The following GRM7 variants were observed in gnomAD, a reference collection of about 807,000 sequenced individuals.
GRM7 encodes the protein metabotropic glutamate receptor 7.
Under a neutral mutation model 84.5 loss-of-function variants are expected in GRM7, and 35 were observed. The observed-to-expected ratio is 0.41, with a 90% CI of 0.32 to 0.55. GRM7 has a LOEUF of 0.55. Ranked by LOEUF, GRM7 falls within the 20% of genes least tolerant of loss-of-function variation. GRM7 has a pLI of 0.19. For synonymous variants in GRM7, 487 were observed against 455.1 expected (o/e 1.07, Z -0.89); for missense variants, 1,003 against 1,194.6 (o/e 0.84, Z 2.36).
At chr3:7,036,775 C>A (rs914359351) in intron 1 of GRM7, among the ~76,000 whole-genome samples, 1 of 124,802 alleles carries the variant, frequency 8.0e-6, no homozygotes, top group African/African-American at 3.1e-5. Context: ...TAAAAATTAG[C>A]AAGGTCTTTC....
chr3:7,008,030 C>T (rs553135986), intron 1 of GRM7, among the ~76,000 whole-genome samples: 2 of 152,152 alleles, frequency 1.3e-5, no homozygotes, highest in South Asian at 4.1e-4. Context: ...AGCAAATGTC[C>T]TAACATCTAA....
chr3:7,720,129 AG>A (rs1701894907), intron 9 of GRM7, among the ~76,000 whole-genome samples: 1 of 152,158 alleles, frequency 6.6e-6, no homozygotes, highest in Non-Finnish European at 1.5e-5. Context: ...GACAGTTTAA[AG>A]GCAAGAAACC....
intron 8 of GRM7, among the ~76,000 whole-genome samples, chr3:7,627,076 G>A (rs1485159325): frequency 1.3e-5 from 2 of 152,102 alleles, no homozygotes; most frequent in African/African-American, 4.8e-5. Flanking sequence ...TTGGGTCACA[G>A]CTTCCACATC....
chr3:7,518,242 G>A lies in GRM7; in HGVS notation c.1515+56520G>A, dbSNP rs147359305. Among the ~76,000 whole-genome samples the A allele has an allele frequency of 1.4e-4, 21 of 152,310 alleles. No homozygotes were observed. The East Asian group carries it at 3.9e-3, about 28-fold the overall frequency. ...GTCTTCAACTAGGAAGGCCTTGGCA[G>A]CATTTCCAAGGCGTCAGGGAATTGT... is the stretch of plus-strand genomic sequence containing the variant. On this transcript the variant is annotated intron_variant, in intron 7 of 9. Coordinates refer to ENST00000357716, the MANE Select transcript of GRM7 (RefSeq NM_000844.4).
intron 2 of GRM7, among the ~76,000 whole-genome samples, chr3:7,197,794 C>A (rs1388656904): frequency 6.6e-6 from 1 of 151,550 alleles, no homozygotes; most frequent in Non-Finnish European, 1.5e-5. Context: ...TAGTTACTGT[C>A]ATGCTTAACA....
chr3:7,617,012 T>C (rs934380039), intron 8 of GRM7, among the ~76,000 whole-genome samples: 3 of 152,108 alleles, frequency 2.0e-5, no homozygotes, highest in African/African-American at 7.2e-5. Context: ...GTTAGTGACT[T>C]ACTGTATTGC....
intron 8 of GRM7, among the ~76,000 whole-genome samples, chr3:7,659,396 T>C (rs552007188): frequency 3.3e-5 from 5 of 152,218 alleles, no homozygotes; most frequent in African/African-American, 1.2e-4. Flanking sequence ...ATTAATCTAG[T>C]AGGGGCCCAG....
intron 7 of GRM7, among the ~76,000 whole-genome samples, chr3:7,572,691 G>A (rs540586162): frequency 5.3e-5 from 8 of 150,152 alleles, no homozygotes; most frequent in Admixed American, 2.7e-4. Flanking sequence ...GCATGGGGGC[G>A]GGTGCCTGTA....
At chr3:7,691,321 C>A in intron 9 of GRM7, 2 of 1,198,486 alleles carry the variant, frequency 1.7e-6, no homozygotes, top group Non-Finnish European at 2.2e-6. Flanking sequence ...TCAGCAACTC[C>A]ATTTTCTGTA....
chr3:7,033,179 T>C lies in GRM7; in HGVS notation c.520-113273T>C, dbSNP rs540022380. 7.2e-5 allele frequency among the ~76,000 whole-genome samples: 11 copies of C among 152,246 alleles called. 1 individual carries two copies. Among genetic ancestry groups the C allele is most frequent in the Admixed American group, 6.5e-4 (10 of 15,286 alleles). ...TTCACGTCACTTTCACCCTTCAGTGTGTCTATATATCTGTGTCTTTTCTCT... is the reference window on the plus strand; with the variant it reads ...TTCACGTCACTTTCACCCTTCAGTGCGTCTATATATCTGTGTCTTTTCTCT... On this transcript the variant is annotated intron_variant, in intron 1 of 9. Transcript: ENST00000357716.
At chr3:7,455,731 G>GAAATACTGATTAATCTTATGCTAGAA (rs1697981586) in intron 6 of GRM7, among the ~76,000 whole-genome samples, 1 of 152,144 alleles carries the variant, frequency 6.6e-6, no homozygotes, top group African/African-American at 2.4e-5. Context: ...ATGTAATGGG[G>GAAATACTGATTAATCTTATGCTAGAA]AAATACTGAT....
intron 9 of GRM7, among the ~76,000 whole-genome samples, chr3:7,715,776 G>A (rs1701752400): frequency 6.6e-6 from 1 of 152,084 alleles, no homozygotes; most frequent in African/African-American, 2.4e-5. Flanking sequence ...CATGTATCTG[G>A]CATACACAGA....
intron 1 of GRM7, among the ~76,000 whole-genome samples, chr3:6,967,105 A>G (rs562295685): frequency 2.0e-5 from 3 of 152,212 alleles, no homozygotes; most frequent in Admixed American, 6.5e-5. Context: ...TTGACTTTCA[A>G]CCAGTGTTGG....
At chr3:6,978,661 G>T (rs1426470080) in intron 1 of GRM7, among the ~76,000 whole-genome samples, 2 of 152,066 alleles carry the variant, frequency 1.3e-5, no homozygotes, top group African/African-American at 2.4e-5. Context: ...GGGAGTGAGT[G>T]GGGGAGATGA....
intron 9 of GRM7, among the ~76,000 whole-genome samples, chr3:7,712,169 A>G: frequency 6.6e-6 from 1 of 152,180 alleles, no homozygotes; most frequent in East Asian, 1.9e-4. Context: ...ATCTTCTGCC[A>G]TTTGGGAGGC....
rs367997571 is a variant in GRM7 at position 7,401,962 on chromosome 3, G to A, written c.1034-13061G>A. Among the ~76,000 whole-genome samples the A allele has an allele frequency of 8.6e-4, 131 of 152,290 alleles. 4 individuals are homozygous for A. In the South Asian group the frequency reaches 0.026, roughly 30 times the overall value. On this transcript the variant is annotated intron_variant, in intron 4 of 9. Transcript: ENST00000357716. ...TAAATGGATGTCCTATAGAATCCAA[G>A]AGCAAGGAATATATCAAGGCCTTAG...
chr3:7,644,052 A>C (rs2125107007), intron 8 of GRM7, among the ~76,000 whole-genome samples: 1 of 148,202 alleles, frequency 6.7e-6, no homozygotes, highest in South Asian at 2.1e-4. Flanking sequence ...TAAAATATGT[A>C]TATATTTTTA....
At chr3:7,538,820 T>C (rs917750773) in intron 7 of GRM7, among the ~76,000 whole-genome samples, 14 of 151,808 alleles carry the variant, frequency 9.2e-5, no homozygotes, top group Non-Finnish European at 1.9e-4. Flanking sequence ...TTATTTCTGT[T>C]TTTGTTAAAA....
chr3:7,123,258 A>G (rs552955012), intron 1 of GRM7, among the ~76,000 whole-genome samples: 1 of 152,292 alleles, frequency 6.6e-6, no homozygotes, highest in African/African-American at 2.4e-5. Flanking sequence ...AATGATGGGG[A>G]GGTCAGAGTA....
Sources: allele counts gnomAD v4.1 joint callset (sites outside exome capture counted in the v4.1 genomes callset), GRCh38; gene constraint gnomAD v4.1.1; transcripts MANE v1.5; gene names NCBI Gene and HGNC (gene_info 2026-07-23, HGNC 2026-07-21).